TTC7B: variants seen among roughly 807,000 people sequenced by gnomAD.
TTC7B encodes the protein tetratricopeptide repeat domain 7B.
Under a neutral mutation model 106.8 loss-of-function variants are expected in TTC7B, and 28 were observed. That is an observed-to-expected ratio of 0.26 (90% CI 0.19 to 0.36). TTC7B has a LOEUF of 0.36. TTC7B is among the 10% of genes least tolerant of loss of function. The pLI is 1.00. For synonymous variants in TTC7B, 405 were observed against 430.6 expected (o/e 0.94, Z 0.74); for missense variants, 862 against 1,076.4 (o/e 0.80, Z 2.79).
chr14:90,701,816 A>G (rs1260630761), intron 5 of TTC7B, among the ~76,000 whole-genome samples: 1 of 149,024 alleles, frequency 6.7e-6, no homozygotes, highest in Admixed American at 6.7e-5. Flanking sequence ...ATATATATAT[A>G]TATATGGAAA....
intron 4 of TTC7B, 66 bp from the exon 5 acceptor site, chr14:90,730,262 T>A: frequency 6.5e-7 from 1 of 1,547,336 alleles, no homozygotes; most frequent in Non-Finnish European, 8.7e-7. Context: ...TCAAACCCTA[T>A]CTCTAAATGT....
intron 18 of TTC7B, among the ~76,000 whole-genome samples, chr14:90,588,672 G>A (rs2139816549): frequency 6.6e-6 from 1 of 152,200 alleles, no homozygotes; most frequent in African/African-American, 2.4e-5. Flanking sequence ...TATCCAGCCT[G>A]GGCTCCCACA....
rs1391119224 is a variant in TTC7B at position 90,575,255 on chromosome 14, T to G, written c.2310+2851A>C. 6.6e-6 allele frequency among the ~76,000 whole-genome samples: 1 copy of G among 152,202 alleles called. No homozygotes were observed. The highest frequency in any genetic ancestry group is 1.5e-5 in the Non-Finnish European group (1 of 68,038). On this transcript the variant is annotated intron_variant, in intron 19 of 19. Coordinates refer to ENST00000328459, the MANE Select transcript of TTC7B (RefSeq NM_001010854.2). The surrounding 1 kb of genome is among the most constrained non-coding windows in gnomAD (Gnocchi z 5.2). ...AGTTCTTGGGTTTAATCTGTCTGCATGTTGTATTGGCGCGGTTATCCTCAT... is the reference window on the plus strand; with the variant it reads ...AGTTCTTGGGTTTAATCTGTCTGCAGGTTGTATTGGCGCGGTTATCCTCAT...
intron 2 of TTC7B, among the ~76,000 whole-genome samples, chr14:90,784,846 C>CG (rs1272295584): frequency 6.6e-6 from 1 of 152,164 alleles, no homozygotes; most frequent in Non-Finnish European, 1.5e-5. Context: ...CACCTCCTAG[C>CG]GGCCTGGAGC....
At chr14:90,814,235 C>T (rs925620970) in intron 1 of TTC7B, among the ~76,000 whole-genome samples, 7 of 152,158 alleles carry the variant, frequency 4.6e-5, no homozygotes, top group South Asian at 2.1e-4. Flanking sequence ...CTAAGCCTTT[C>T]GGGGGCCATG....
At chr14:90,702,041 C>T (rs991658939) in intron 5 of TTC7B, among the ~76,000 whole-genome samples, 2 of 152,154 alleles carry the variant, frequency 1.3e-5, no homozygotes, top group African/African-American at 4.8e-5. Flanking sequence ...GATTGTCCTT[C>T]ACCCGGGAAT....
At chr14:90,695,933 C>A (rs951422815) in intron 5 of TTC7B, among the ~76,000 whole-genome samples, 2 of 151,862 alleles carry the variant, frequency 1.3e-5, no homozygotes, top group African/African-American at 4.9e-5. Flanking sequence ...TGGGAGACAA[C>A]ACTGGGCAAC....
At chr14:90,638,006 T>C (rs967544090) in intron 15 of TTC7B, among the ~76,000 whole-genome samples, 8 of 151,834 alleles carry the variant, frequency 5.3e-5, no homozygotes, top group East Asian at 1.9e-4. Flanking sequence ...GTCAGCCTTC[T>C]GAGTGGCTGG....
intron 13 of TTC7B, among the ~76,000 whole-genome samples, chr14:90,651,637 G>A (rs910071369): frequency 3.9e-5 from 6 of 152,196 alleles, no homozygotes; most frequent in Non-Finnish European, 8.8e-5. Context: ...TCCACACTCC[G>A]TGCTGAGGAA....
chr14:90,798,081 C>A (rs1189190464), intron 1 of TTC7B, among the ~76,000 whole-genome samples: 1 of 152,160 alleles, frequency 6.6e-6, no homozygotes, highest in Non-Finnish European at 1.5e-5. Context: ...GGCTTACGCA[C>A]TTTTTCCCTC....
chr14:90,719,271 C>T (rs1005325524), intron 5 of TTC7B, among the ~76,000 whole-genome samples: 2 of 152,080 alleles, frequency 1.3e-5, no homozygotes, highest in South Asian at 4.1e-4. Context: ...AAGACCCTGC[C>T]TCAAAAAAAC....
intron 19 of TTC7B, among the ~76,000 whole-genome samples, chr14:90,557,464 T>A (rs1890365900): frequency 6.6e-6 from 1 of 152,262 alleles, no homozygotes; most frequent in Non-Finnish European, 1.5e-5. Context: ...ATTCTGGGGT[T>A]TGATGAAATC....
At chr14:90,767,814 T>A (rs1242251693) in intron 3 of TTC7B, among the ~76,000 whole-genome samples, 2 of 152,094 alleles carry the variant, frequency 1.3e-5, no homozygotes, top group African/African-American at 4.8e-5. Context: ...GTGGGAATTA[T>A]AGAAGGAAAA....
At position 90,614,251 on chromosome 14, in the gene TTC7B, A is replaced by G. The variant is rs1045427367; in HGVS notation, c.1869-3412T>C. On this transcript the variant is annotated intron_variant, in intron 16 of 19. Coordinates refer to ENST00000328459, the MANE Select transcript of TTC7B (RefSeq NM_001010854.2). ...ATCAGTAAAATGGGTATGAGATCACACGACCTTGGCCCATTTTATGGAGCT... is the reference window on the plus strand; with the variant it reads ...ATCAGTAAAATGGGTATGAGATCACGCGACCTTGGCCCATTTTATGGAGCT... Among the ~76,000 whole-genome samples the G allele has an allele frequency of 1.3e-5, 2 of 152,206 alleles. 1 individual carries two copies. Among genetic ancestry groups the G allele is most frequent in the South Asian group, 4.1e-4 (2 of 4,830 alleles).
intron 1 of TTC7B, among the ~76,000 whole-genome samples, chr14:90,794,575 G>A (rs867239307): frequency 4.6e-5 from 7 of 152,080 alleles, no homozygotes; most frequent in Non-Finnish European, 7.4e-5. Context: ...AATACAGAGA[G>A]AAAGGGGGAA....
intron 1 of TTC7B, among the ~76,000 whole-genome samples, chr14:90,789,906 A>AT (rs1373968352): frequency 7.0e-6 from 1 of 143,758 alleles, no homozygotes; most frequent in Non-Finnish European, 1.6e-5. Context: ...AAAAAAAAAA[A>AT]AAAAAAATAC....
At position 90,786,272 on chromosome 14, in the gene TTC7B, G is replaced by T. The variant is rs1032526269; in HGVS notation, c.178C>A (p.His60Asn). 1 of 1,612,972 alleles carries T rather than the reference G, an allele frequency of 6.2e-7. No individual in the cohort carries two copies. The highest frequency in any genetic ancestry group is 1.3e-5 in the African/African-American group (1 of 74,830). The change falls in exon 2 of 20, where the codon CAC becomes AAC. Residue 60 changes from histidine (H) to asparagine (N), a missense_variant. Physicochemically the swap from His to Asn is moderately conservative, Grantham distance 68. Transcript: ENST00000328459. The stretch of plus-strand genomic sequence containing the variant: ...GGACTGGCCCCCTGCCTCAGGGGGT[G>T]TTCCTTCAGGTACTGCTCCAGCTTC... ...ESKLEQYLKE[H>N]PLRQGASPRG...
intron 17 of TTC7B, among the ~76,000 whole-genome samples, chr14:90,601,655 G>A (rs1329479235): frequency 1.3e-5 from 2 of 152,248 alleles, no homozygotes; most frequent in East Asian, 3.9e-4. Flanking sequence ...ACCTGCAGGG[G>A]AGCGCCCCGG....
chr14:90,794,902 G>T (rs1381938227), intron 1 of TTC7B, among the ~76,000 whole-genome samples: 1 of 152,082 alleles, frequency 6.6e-6, no homozygotes, highest in African/African-American at 2.4e-5. Context: ...TGATAGAGGG[G>T]CACTGGGTGG....
Sources: allele counts gnomAD v4.1 joint callset (sites outside exome capture counted in the v4.1 genomes callset), GRCh38; gene constraint gnomAD v4.1.1; non-coding constraint Gnocchi (gnomAD v3.1); transcripts MANE v1.5; gene names NCBI Gene and HGNC (gene_info 2026-07-23, HGNC 2026-07-21).